Variants in NDST4 observed in about 807,000 individuals in gnomAD.
NDST4 encodes the protein N-heparan sulfate sulfotransferase 4.
A neutral mutation model predicts 100.8 loss-of-function variants in NDST4; 63 were observed. The observed-to-expected ratio is 0.62, with a 90% CI of 0.51 to 0.77. The LOEUF (loss-of-function observed/expected upper bound fraction) is 0.77. NDST4 is among the 30% of genes least tolerant of loss of function. The pLI is 0.00. For missense variants in NDST4, 943 were observed against 1,018.4 expected, an observed-to-expected ratio of 0.93 and a Z score of 1.01; for synonymous variants, 377 against 361.8, an observed-to-expected ratio of 1.04 and a Z score of -0.48.
At chr4:114,890,091 T>A (rs930416473) in intron 6 of NDST4, among the ~76,000 whole-genome samples, 1 of 152,106 alleles carries the variant, frequency 6.6e-6, no homozygotes, top group African/African-American at 2.4e-5. Context: ...TTTTAATGCA[T>A]GTGTACAAAT....
chr4:115,067,036 C>T (rs1369436906), intron 2 of NDST4, among the ~76,000 whole-genome samples: 1 of 152,206 alleles, frequency 6.6e-6, no homozygotes, highest in Non-Finnish European at 1.5e-5. Flanking sequence ...GGTACCCTCT[C>T]TCCACTGTCG....
intron 1 of NDST4, among the ~76,000 whole-genome samples, chr4:115,101,754 G>T (rs1412767155): frequency 6.6e-6 from 1 of 151,984 alleles, no homozygotes. Flanking sequence ...TGAAGAAAAA[G>T]AAAAGGAATT....
intron 2 of NDST4, among the ~76,000 whole-genome samples, chr4:115,023,131 G>A (rs1727896155): frequency 6.6e-6 from 1 of 152,080 alleles, no homozygotes; most frequent in African/African-American, 2.4e-5. Context: ...TACAAAATGG[G>A]TGCAGTGTAT....
At chr4:115,021,228 CAT>C (rs1412287101) in intron 2 of NDST4, among the ~76,000 whole-genome samples, 2 of 122,678 alleles carry the variant, frequency 1.6e-5, no homozygotes, top group Non-Finnish European at 3.2e-5. Flanking sequence ...ATATATTCCA[CAT>C]ATATATATTC....
At chr4:115,011,087 C>T (rs911408457) in intron 2 of NDST4, among the ~76,000 whole-genome samples, 20 of 151,956 alleles carry the variant, frequency 1.3e-4, no homozygotes, top group African/African-American at 4.8e-4. Context: ...CAATACCGAA[C>T]AACTGACAAA....
intron 6 of NDST4, among the ~76,000 whole-genome samples, chr4:114,932,286 C>T (rs1415345500): frequency 6.6e-6 from 1 of 151,772 alleles, no homozygotes; most frequent in East Asian, 1.9e-4. Flanking sequence ...AAGCATGTAA[C>T]AAAATTCAAC....
chr4:114,927,304 T>G (rs761383975), intron 6 of NDST4, among the ~76,000 whole-genome samples: 1 of 151,908 alleles, frequency 6.6e-6, no homozygotes, highest in Non-Finnish European at 1.5e-5. Context: ...AAATCACGTA[T>G]TCTTAGTACA....
chr4:115,017,330 C>T (rs1727700117), intron 2 of NDST4, among the ~76,000 whole-genome samples: 1 of 152,002 alleles, frequency 6.6e-6, no homozygotes, highest in Non-Finnish European at 1.5e-5. Context: ...AATTCAAATA[C>T]ATTTCATAGA....
chr4:114,934,572 T>C (rs1225143138), intron 6 of NDST4, among the ~76,000 whole-genome samples: 1 of 146,486 alleles, frequency 6.8e-6, no homozygotes, highest in Non-Finnish European at 1.5e-5. Flanking sequence ...AAAAATAAAA[T>C]AAAAATAAAA....
chr4:115,059,330 A>G (rs1031349775), intron 2 of NDST4, among the ~76,000 whole-genome samples: 1 of 151,922 alleles, frequency 6.6e-6, no homozygotes, highest in African/African-American at 2.4e-5. Context: ...TGCTTACAGA[A>G]CCCCATCTCC....
intron 11 of NDST4, among the ~76,000 whole-genome samples, chr4:114,837,751 C>G (rs935573334): frequency 2.0e-5 from 3 of 152,160 alleles, no homozygotes; most frequent in African/African-American, 7.2e-5. Context: ...CAATACCATT[C>G]AGGACATAGG....
chr4:114,847,885 T>C (rs1723588910), intron 9 of NDST4, among the ~76,000 whole-genome samples: 1 of 152,188 alleles, frequency 6.6e-6, no homozygotes, highest in Non-Finnish European at 1.5e-5. Context: ...GAAGACAAAT[T>C]ATGTGTTGAG....
At chr4:114,986,451 G>A (rs1253170361) in intron 2 of NDST4, among the ~76,000 whole-genome samples, 3 of 152,012 alleles carry the variant, frequency 2.0e-5, no homozygotes, top group African/African-American at 4.8e-5. Context: ...TGTGTAAGAC[G>A]AGCTTCTGCT....
Position 114,870,842 on chromosome 4 carries a change from G to T in NDST4, c.1645C>A (p.Gln549Lys). The T allele has an allele frequency of 6.2e-7, 1 of 1,613,066 alleles. No individual in the cohort carries two copies. Among genetic ancestry groups the T allele is most frequent in the South Asian group, 1.1e-5 (1 of 91,030 alleles). The change falls in exon 7 of 14, where the codon CAA becomes AAA. Residue 549 changes from glutamine (Q) to lysine (K), a missense_variant. Around this residue, in one of 2 missense-constraint regions of NDST4, gnomAD observed 526 missense variants for 634.1 expected, o/e 0.83. Coordinates refer to ENST00000264363, the MANE Select transcript of NDST4 (RefSeq NM_022569.3). ...GCCAGTTGCACTGGAGGCAGAGTTT[G>T]CAATTTCAGGTTGGTCCAGCTCTGC... ...FVQSWTNLKL[Q>K]TLPPVQLAHQ... is the part of the protein sequence containing the mutation.
chr4:114,882,991 C>A (rs1724402468), intron 6 of NDST4, among the ~76,000 whole-genome samples: 1 of 151,790 alleles, frequency 6.6e-6, no homozygotes, highest in African/African-American at 2.4e-5. Context: ...GATTCTATAT[C>A]CAACAAAGTT....
At chr4:114,896,667 TAGA>T (rs1265499951) in intron 6 of NDST4, among the ~76,000 whole-genome samples, 1 of 152,054 alleles carries the variant, frequency 6.6e-6, no homozygotes, top group Admixed American at 6.6e-5. Flanking sequence ...TACTGCATTT[TAGA>T]AGAACACATA....
intron 6 of NDST4, among the ~76,000 whole-genome samples, chr4:114,881,349 G>A (rs1006943054): frequency 2.0e-5 from 3 of 152,006 alleles, no homozygotes; most frequent in Admixed American, 6.6e-5. Flanking sequence ...TTGATTTGAC[G>A]TCAGGGATGG....
In NDST4 at chr4:114,870,951, C is replaced by A. The variant is rs776815376; in HGVS notation, c.1537-1G>T. ...ATAAATGGGTCATGAAAATGCTGAT[C>A]TGAAAGATAAATAAAAATGACCACA... On this transcript the variant is annotated splice_acceptor_variant, in intron 6 of 13. Transcript: ENST00000264363. LOFTEE classifies it high-confidence loss of function. The A allele has an allele frequency of 2.5e-6, 4 of 1,594,788 alleles. No homozygotes were observed. The South Asian group carries it at 4.5e-5, about 18-fold the overall frequency.
chr4:114,995,698 T>C (rs1727144008), intron 2 of NDST4, among the ~76,000 whole-genome samples: 1 of 152,100 alleles, frequency 6.6e-6, no homozygotes, highest in South Asian at 2.1e-4. Context: ...TTTTTATTTG[T>C]TTTTATTTCC....
Sources: gnomAD v4.1 joint callset for allele counts (sites outside exome capture counted in the v4.1 genomes callset) on GRCh38, gnomAD v4.1.1 for gene constraint, gnomAD v4.1.1 regional missense constraint, MANE v1.5 for transcripts, NCBI Gene and HGNC (gene_info 2026-07-23, HGNC 2026-07-21) for gene names.